CNTN5: variants seen among roughly 807,000 people sequenced by gnomAD.
CNTN5 encodes contactin 5.
Under a neutral mutation model 129.1 loss-of-function variants are expected in CNTN5, and 77 were observed. The ratio of observed to expected loss-of-function variants is 0.60; its 90% CI spans 0.50 to 0.72. The LOEUF is 0.72. Ranked by LOEUF, CNTN5 falls within the 30% of genes least tolerant of loss-of-function variation. CNTN5 has a pLI of 0.00. For missense variants in CNTN5, 1,478 were observed against 1,328.8 expected (o/e 1.11, Z -1.75); for synonymous variants, 509 against 465.6 (o/e 1.09, Z -1.20).
intron 2 of CNTN5, among the ~76,000 whole-genome samples, chr11:99,514,143 G>T (rs1302569377): frequency 6.6e-6 from 1 of 152,116 alleles, no homozygotes; most frequent in Admixed American, 6.6e-5. Context: ...AGTAACTGCA[G>T]ATGTGATGGA....
At chr11:100,043,029 G>C (rs1591117636) in intron 9 of CNTN5, among the ~76,000 whole-genome samples, 1 of 111,320 alleles carries the variant, frequency 9.0e-6, no homozygotes, top group East Asian at 2.2e-4. Context: ...TCAGTCCTTT[G>C]TTTGTGCTTG....
At chr11:100,253,510 T>G (rs751163157) in intron 16 of CNTN5, among the ~76,000 whole-genome samples, 2 of 152,116 alleles carry the variant, frequency 1.3e-5, no homozygotes, top group Non-Finnish European at 2.9e-5. Flanking sequence ...AATGAACAAT[T>G]TAATGTTTGC....
intron 1 of CNTN5, among the ~76,000 whole-genome samples, chr11:99,041,421 C>A (rs931795769): frequency 2.0e-5 from 3 of 152,122 alleles, no homozygotes; most frequent in Non-Finnish European, 2.9e-5. Context: ...ACTTAAGTAA[C>A]CACTCTCACA....
chr11:99,385,310 AC>A (rs1940859069), intron 2 of CNTN5, among the ~76,000 whole-genome samples: 1 of 151,492 alleles, frequency 6.6e-6, no homozygotes, highest in Non-Finnish European at 1.5e-5. Context: ...CCCCTGAAAC[AC>A]CCCCGCCCCA....
At chr11:99,582,744 T>G (rs1949653359) in intron 3 of CNTN5, among the ~76,000 whole-genome samples, 1 of 152,176 alleles carries the variant, frequency 6.6e-6, no homozygotes, top group Non-Finnish European at 1.5e-5. Context: ...TTTCAAAGTT[T>G]TTAACTTCTT....
chr11:100,002,006 T>A (rs201299840), intron 8 of CNTN5, 28 bp from the exon 9 acceptor site: 1 of 1,401,892 alleles, frequency 7.1e-7, no homozygotes, highest in Non-Finnish European at 9.8e-7. Context: ...ATTCATTTGA[T>A]GCTTAAAGAC....
At chr11:99,291,757 C>G (rs1230494080) in intron 1 of CNTN5, among the ~76,000 whole-genome samples, 2 of 151,926 alleles carry the variant, frequency 1.3e-5, no homozygotes, top group Non-Finnish European at 2.9e-5. Context: ...AATAAATGAG[C>G]CTGTAGCTAA....
At chr11:100,175,757 C>T (rs895226742) in intron 13 of CNTN5, among the ~76,000 whole-genome samples, 1 of 152,066 alleles carries the variant, frequency 6.6e-6, no homozygotes, top group Non-Finnish European at 1.5e-5. Context: ...TAATACTCAA[C>T]TCACACAGTG....
At chr11:99,092,408 G>T (rs986268206) in intron 1 of CNTN5, among the ~76,000 whole-genome samples, 1 of 151,782 alleles carries the variant, frequency 6.6e-6, no homozygotes, top group Non-Finnish European at 1.5e-5. Flanking sequence ...TCATTTTTAT[G>T]GAACAAAGAC....
At chr11:99,706,371 C>T (rs1954756834) in intron 3 of CNTN5, among the ~76,000 whole-genome samples, 1 of 151,392 alleles carries the variant, frequency 6.6e-6, no homozygotes, top group Admixed American at 6.6e-5. Flanking sequence ...GTATAACAGT[C>T]TTCATAGGTG....
At chr11:99,358,255 A>ATTTTTTTTTTTTTTTTT (rs1186386021) in intron 2 of CNTN5, among the ~76,000 whole-genome samples, 503 of 46,874 alleles carry the variant, frequency 0.011, 83 homozygotes, top group Non-Finnish European at 0.015. Context: ...CGCCCTGCTG[A>ATTTTTTTTTTTTTTTTT]TTTTTTTTTT....
intron 3 of CNTN5, among the ~76,000 whole-genome samples, chr11:99,580,616 G>C (rs188008757): frequency 6.6e-6 from 1 of 152,028 alleles, no homozygotes; most frequent in Admixed American, 6.6e-5. Flanking sequence ...GTTTATTTGC[G>C]TAGACGTGTT....
At chr11:99,212,632 C>A (rs1055982686) in intron 1 of CNTN5, among the ~76,000 whole-genome samples, 1 of 151,924 alleles carries the variant, frequency 6.6e-6, no homozygotes, top group Non-Finnish European at 1.5e-5. Context: ...CACTACCCAC[C>A]CTTTATTGTA....
At chr11:99,346,099 T>C (rs1350194693) in intron 2 of CNTN5, among the ~76,000 whole-genome samples, 16 of 152,194 alleles carry the variant, frequency 1.1e-4, no homozygotes. Flanking sequence ...CTATCATTAT[T>C]ATAGCACAGA....
intron 1 of CNTN5, among the ~76,000 whole-genome samples, chr11:99,247,239 T>G (rs2135778779): frequency 6.6e-6 from 1 of 152,236 alleles, no homozygotes; most frequent in South Asian, 2.1e-4. Context: ...TACACATTTT[T>G]ATTCTCTCTC....
chr11:99,924,717 T>C lies in CNTN5; in HGVS notation c.673+8568T>C, dbSNP rs908018934. 1.3e-5 allele frequency among the ~76,000 whole-genome samples: 2 copies of C among 152,156 alleles called. 1 individual carries two copies. The highest frequency in any genetic ancestry group is 4.1e-4 in the South Asian group (2 of 4,830). On this transcript the variant is annotated intron_variant, in intron 7 of 24. Transcript: ENST00000524871. ...TTACTTTCACCTATTTTTATTAATA[T>C]GTTTTTAAATTGTAATTTTCCTTCT...
chr11:100,260,563 C>G (rs546238106), intron 17 of CNTN5, among the ~76,000 whole-genome samples: 54 of 152,280 alleles, frequency 3.5e-4, no homozygotes, highest in African/African-American at 1.3e-3. Context: ...ACTGGCAATT[C>G]AAATCCAGCA....
intron 8 of CNTN5, among the ~76,000 whole-genome samples, chr11:99,994,174 A>AG (rs1181953572): frequency 3.3e-5 from 5 of 151,906 alleles, no homozygotes; most frequent in African/African-American, 1.2e-4. Context: ...CAACAAAAGA[A>AG]TGTCTTCTTT....
At chr11:100,169,490 G>A (rs1046599607) in intron 13 of CNTN5, among the ~76,000 whole-genome samples, 8 of 151,968 alleles carry the variant, frequency 5.3e-5, no homozygotes, top group African/African-American at 1.4e-4. Flanking sequence ...AGCCATCTAC[G>A]GTGAAGACCC....
Sources: allele counts gnomAD v4.1 joint callset (sites outside exome capture counted in the v4.1 genomes callset), GRCh38; gene constraint gnomAD v4.1.1; transcripts MANE v1.5; gene names NCBI Gene and HGNC (gene_info 2026-07-23, HGNC 2026-07-21).